The following KCNT1 variants were observed in gnomAD, a reference collection of about 807,000 sequenced individuals.
The protein encoded by KCNT1 is potassium channel subfamily T member 1.
KCNT1 carries 78 observed loss-of-function variants against 147.8 expected under a neutral mutation model. That is an observed-to-expected ratio of 0.53 (90% CI 0.44 to 0.64). KCNT1 has a LOEUF of 0.64. Among genes scored for constraint, KCNT1 ranks in the 30% least tolerant of loss-of-function variants. The pLI, the probability that KCNT1 is intolerant of heterozygous loss-of-function variation, is 0.00. For synonymous variants in KCNT1, 867 were observed against 748.8 expected, an observed-to-expected ratio of 1.16 and a Z score of -2.58; for missense variants, 1,419 against 1,750.3, an observed-to-expected ratio of 0.81 and a Z score of 3.38.
intron 29 of KCNT1, 197 bp from the exon 30 acceptor site, chr9:135,791,600 G>A (rs908885584): frequency 5.0e-5 from 29 of 577,614 alleles, no homozygotes; most frequent in Non-Finnish European, 8.4e-5. Context: ...GCTGTCCCCT[G>A]CCCTGTGTGG....
chr9:135,704,512 G>A (rs142643016), intron 1 of KCNT1, among the ~76,000 whole-genome samples: 4 of 152,200 alleles, frequency 2.6e-5, no homozygotes, highest in African/African-American at 9.6e-5. Flanking sequence ...GGAGTCCCAG[G>A]CCCTCAGCTG....
Position 135,759,694 on chromosome 9 carries a change from G to A in KCNT1, c.870G>A (p.Gln290=), listed in dbSNP as rs1831776551. The A allele has an allele frequency of 6.2e-7, 1 of 1,609,136 alleles. No individual in the cohort carries two copies. Among genetic ancestry groups the A allele is most frequent in the South Asian group, 1.1e-5 (1 of 90,492 alleles). The part of the protein sequence containing the change: ...CLVFTGTCGI[Q]HLERAGENLS... ...GGGGTTGCAGGACCTGCGGCATCCA[G>A]CACCTGGAGCGGGCGGGCGAGAACC... is the stretch of plus-strand genomic sequence containing the variant. The change falls in exon 11 of 31, where the codon CAG becomes CAA. Residue 290 remains glutamine (Q), a synonymous_variant. Coordinates refer to ENST00000371757, the MANE Select transcript of KCNT1 (RefSeq NM_020822.3).
Position 135,792,262 on chromosome 9 carries a change from G to A in KCNT1, c.*101G>A. On this transcript the variant is annotated 3_prime_UTR_variant, in exon 31 of 31. Transcript: ENST00000371757. Reference sequence around the variant, plus strand: ...GTGGCACTAGCGTGACCCTGGGGATGGCACACTCTACTCACCATGGCTCCT... The same window carrying A: ...GTGGCACTAGCGTGACCCTGGGGATAGCACACTCTACTCACCATGGCTCCT... The A allele has an allele frequency of 2.9e-6, 4 of 1,401,556 alleles. No individual in the cohort carries two copies. The highest frequency in any genetic ancestry group is 3.8e-6 in the Non-Finnish European group (4 of 1,047,444). The allele number at this position is 1,401,556 out of a possible 1,614,324, so 86.8% of individuals were successfully genotyped here.
intron 2 of KCNT1, among the ~76,000 whole-genome samples, chr9:135,744,128 G>C (rs1021922699): frequency 6.6e-6 from 1 of 152,254 alleles, no homozygotes; most frequent in Admixed American, 6.5e-5. Flanking sequence ...GGTGGGCCCC[G>C]AGGCGTGTGC....
At chr9:135,768,425 C>T (rs1208263513) in intron 13 of KCNT1, 185 bp from the exon 14 acceptor site, 1 of 567,844 alleles carries the variant, frequency 1.8e-6, no homozygotes, top group South Asian at 2.3e-5. Flanking sequence ...GGCCTCCTCC[C>T]GCCTTCCATC....
intron 3 of KCNT1, 58 bp from the exon 4 acceptor site, chr9:135,750,884 C>T (rs1831116884): frequency 6.6e-7 from 1 of 1,523,450 alleles, no homozygotes; most frequent in African/African-American, 1.4e-5. Flanking sequence ...GGGTGCAGGC[C>T]CTGCTCCCCG....
At chr9:135,766,215 G>A (rs1264216076) in intron 13 of KCNT1, among the ~76,000 whole-genome samples, 1 of 151,798 alleles carries the variant, frequency 6.6e-6, no homozygotes, top group Non-Finnish European at 1.5e-5. Context: ...CATCCAGGGT[G>A]GGTCATCTGG....
At position 135,786,191 on chromosome 9, in the gene KCNT1, G is replaced by GCCCAGT; in HGVS notation, c.3178_3183dup. On this transcript the variant is annotated splice_polypyrimidine_tract_variant and splice_region_variant and intron_variant, in intron 28 of 30. Transcript: ENST00000371757. ...TCCCCGCCCTGCCCTGCCCTGCCCT[G>GCCCAGT]CCCAGTCCCAGATCTCGGTGAACGT... 1 of 1,596,872 alleles carries GCCCAGT rather than the reference G, an allele frequency of 6.3e-7. No homozygotes were observed. Among genetic ancestry groups the GCCCAGT allele is most frequent in the African/African-American group, 1.4e-5 (1 of 73,950 alleles).
At chr9:135,781,166 A>G (rs1455935971) in intron 24 of KCNT1, among the ~76,000 whole-genome samples, 1 of 152,240 alleles carries the variant, frequency 6.6e-6, no homozygotes, top group African/African-American at 2.4e-5. Flanking sequence ...CCTGGGCTCC[A>G]GCTCCAGTCA....
At chr9:135,764,356 A>T (rs890066567) in intron 11 of KCNT1, among the ~76,000 whole-genome samples, 15 of 152,128 alleles carry the variant, frequency 9.9e-5, no homozygotes, top group Non-Finnish European at 1.5e-5. Context: ...GCTACTCAGG[A>T]GGTTGAGGCA....
At chr9:135,777,932 C>T (rs1457384082) in intron 21 of KCNT1, among the ~76,000 whole-genome samples, 1 of 150,080 alleles carries the variant, frequency 6.7e-6, no homozygotes, top group East Asian at 2.0e-4. Flanking sequence ...CTCCCAGTTC[C>T]TCTGGCCACC....
chr9:135,773,386 C>T (rs1156432784), intron 19 of KCNT1, among the ~76,000 whole-genome samples: 1 of 152,222 alleles, frequency 6.6e-6, no homozygotes, highest in Non-Finnish European at 1.5e-5. Context: ...CATCCTCCAC[C>T]CAGTGCCCTA....
chr9:135,786,166 TCCCCG>T (rs929881405), intron 28 of KCNT1, 26 bp from the exon 29 acceptor site: 15 of 1,402,356 alleles, frequency 1.1e-5, no homozygotes, highest in Middle Eastern at 1.8e-4. Flanking sequence ...GCCTCACCCC[TCCCCG>T]CCCTGCCCTG....
In KCNT1 at chr9:135,730,184, G is replaced by C. The variant is rs962570269; in HGVS notation, c.254+15464G>C. On this transcript the variant is annotated intron_variant, in intron 2 of 30. Coordinates refer to ENST00000371757, the MANE Select transcript of KCNT1 (RefSeq NM_020822.3). This position sits in a 1 kb window ranked among gnomAD's most constrained non-coding sequence, Gnocchi z 4.7. ...CAGATTTTCACAGTAAGGCAGTGTT[G>C]AATTGCAGCCTCTAGTGGCGACAAC... Among the ~76,000 whole-genome samples the C allele has an allele frequency of 6.6e-6, 1 of 152,182 alleles. No individual in the cohort carries two copies. The highest frequency in any genetic ancestry group is 6.5e-5 in the Admixed American group (1 of 15,280).
chr9:135,712,177 G>A (rs1483242303), intron 1 of KCNT1, among the ~76,000 whole-genome samples: 3 of 152,154 alleles, frequency 2.0e-5, no homozygotes, highest in African/African-American at 7.2e-5. Flanking sequence ...GGGGTGTGCT[G>A]TGTCCCGTCA....
At chr9:135,756,968 T>TTGC in intron 7 of KCNT1, 36 bp downstream of exon 7, 2 of 852,570 alleles carry the variant, frequency 2.3e-6, no homozygotes, top group Non-Finnish European at 1.6e-6. Context: ...TCACAGGGGG[T>TTGC]CCCCACCCTC....
Position 135,757,286 on chromosome 9 carries a change from T to C in KCNT1, c.676-12T>C, listed in dbSNP as rs374454499. 6.2e-7 allele frequency: 1 copy of C among 1,612,572 alleles called. No homozygotes were observed. The highest frequency in any genetic ancestry group is 1.1e-5 in the South Asian group (1 of 91,032). ...GCCCTGGAGCCCCAGCCCTGACCTG[T>C]CCCCTTCACAGATCTTCTGGCCGCC... On this transcript the variant is annotated splice_polypyrimidine_tract_variant and intron_variant, in intron 8 of 30. Transcript: ENST00000371757.
intron 12 of KCNT1, among the ~76,000 whole-genome samples, 156 bp downstream of exon 12, chr9:135,765,351 C>T (rs1405996550): frequency 1.8e-5 from 1 of 56,426 alleles, no homozygotes; most frequent in African/African-American, 8.9e-5. Flanking sequence ...CCCAGAGACG[C>T]CATCCTCTCC....
At chr9:135,769,533 G>A (rs1440434969) in intron 15 of KCNT1, among the ~76,000 whole-genome samples, 1 of 152,216 alleles carries the variant, frequency 6.6e-6, no homozygotes, top group East Asian at 1.9e-4. Context: ...AGTGAAGGCA[G>A]GGTCAGAGGT....
Sources: allele counts gnomAD v4.1 joint callset (sites outside exome capture counted in the v4.1 genomes callset), GRCh38; gene constraint gnomAD v4.1.1; non-coding constraint Gnocchi (gnomAD v3.1); transcripts MANE v1.5; gene names NCBI Gene and HGNC (gene_info 2026-07-23, HGNC 2026-07-21).